Variants in KMO observed in about 807,000 individuals in gnomAD.
KMO encodes kynurenine 3-monooxygenase, also known as kynurenine 3-hydroxylase.
In KMO, 24 loss-of-function variants were observed where a neutral mutation model predicts 57.8. That is an observed-to-expected ratio of 0.42 (90% CI 0.30 to 0.58). The LOEUF (loss-of-function observed/expected upper bound fraction) is 0.58. Ranked by LOEUF, KMO falls within the 20% of genes least tolerant of loss-of-function variation. KMO has a pLI of 0.22. For synonymous variants in KMO, 210 were observed against 193.6 expected (o/e 1.08, Z -0.70); for missense variants, 483 against 588.2 (o/e 0.82, Z 1.85).
chr1:241,538,033 G>C (rs1289325517), intron 1 of KMO, among the ~76,000 whole-genome samples: 2 of 152,186 alleles, frequency 1.3e-5, no homozygotes, highest in Non-Finnish European at 2.9e-5. Flanking sequence ...ATAGGGCTTA[G>C]AGATATTTAT....
chr1:241,591,195 T>A (rs987763535), intron 14 of KMO, among the ~76,000 whole-genome samples: 1 of 152,104 alleles, frequency 6.6e-6, no homozygotes, highest in Non-Finnish European at 1.5e-5. Flanking sequence ...GCAGTTAGAA[T>A]GCAGGACAGT....
At chr1:241,560,428 A>G (rs1661793022) in intron 5 of KMO, among the ~76,000 whole-genome samples, 1 of 152,178 alleles carries the variant, frequency 6.6e-6, no homozygotes, top group Non-Finnish European at 1.5e-5. Flanking sequence ...AATCAGTTGG[A>G]TGTTTTCTTT....
At chr1:241,590,345 A>C in intron 14 of KMO, 82 bp downstream of exon 14, 1 of 1,137,038 alleles carries the variant, frequency 8.8e-7, no homozygotes, top group Non-Finnish European at 1.3e-6. Context: ...GTTTCCAACA[A>C]ATACAGAAAT....
intron 1 of KMO, among the ~76,000 whole-genome samples, chr1:241,538,230 T>G (rs568825556): frequency 6.6e-6 from 1 of 152,158 alleles, no homozygotes; most frequent in African/African-American, 2.4e-5. Context: ...AAGTCACTTC[T>G]TGGGCATTTG....
intron 5 of KMO, 73 bp downstream of exon 5, chr1:241,555,733 A>G: frequency 1.1e-6 from 1 of 931,548 alleles, no homozygotes; most frequent in Admixed American, 1.8e-5. Context: ...CATATGATTT[A>G]TTGGATTTGT....
intron 10 of KMO, among the ~76,000 whole-genome samples, chr1:241,570,364 C>T (rs1662229665): frequency 6.6e-6 from 1 of 152,068 alleles, no homozygotes; most frequent in South Asian, 2.1e-4. Context: ...AGACCACTGT[C>T]TTGGACTGTT....
At chr1:241,587,271 C>T (rs1235503165) in intron 11 of KMO, among the ~76,000 whole-genome samples, 1 of 152,194 alleles carries the variant, frequency 6.6e-6, no homozygotes. Context: ...CTATGAGAAA[C>T]TAATGCCACT....
intron 4 of KMO, among the ~76,000 whole-genome samples, chr1:241,553,213 T>A (rs976383561): frequency 6.6e-6 from 1 of 152,188 alleles, no homozygotes; most frequent in Non-Finnish European, 1.5e-5. Context: ...CTTGTAGAAT[T>A]AAATATTGGA....
intron 7 of KMO, among the ~76,000 whole-genome samples, chr1:241,563,822 G>C (rs1300723949): frequency 1.3e-5 from 2 of 152,154 alleles, no homozygotes; most frequent in Non-Finnish European, 2.9e-5. Context: ...AAGCTTATGA[G>C]ACTTTCTCTA....
chr1:241,538,545 T>G (rs576016621), intron 1 of KMO, among the ~76,000 whole-genome samples: 1 of 152,356 alleles, frequency 6.6e-6, no homozygotes, highest in Non-Finnish European at 1.5e-5. Flanking sequence ...TTTAGCTATA[T>G]GGGCTTTGAG....
chr1:241,590,110 A>C lies in KMO; in HGVS notation c.1197A>C (p.Thr399=). 3 of 1,611,050 alleles carry C rather than the reference A, an allele frequency of 1.9e-6. No homozygotes were observed. Among genetic ancestry groups the C allele is most frequent in the Non-Finnish European group, 2.5e-6 (3 of 1,177,310 alleles). Residue 399 remains threonine (T), a synonymous_variant, in exon 13 of 15, where the codon ACA becomes ACC. Coordinates refer to ENST00000366559, the MANE Select transcript of KMO (RefSeq NM_003679.5). ...CATCGACCTTTATCCCTCTCTATAC[A>C]ATGGTAAGGTCTGGACTGAAGACTT... ...IMPSTFIPLY[T]MVTFSRIRYH... is the part of the protein sequence containing the mutation.
intron 4 of KMO, among the ~76,000 whole-genome samples, chr1:241,554,246 CCTTCCTTCCTT>C (rs1661520200): frequency 7.2e-6 from 1 of 139,856 alleles, no homozygotes; most frequent in Non-Finnish European, 1.5e-5. Context: ...TTCCTTCCTT[CCTTCCTTCCTT>C]CCTTCCTTCC....
intron 10 of KMO, among the ~76,000 whole-genome samples, chr1:241,573,014 CA>C (rs1231861576): frequency 6.6e-6 from 1 of 152,096 alleles, no homozygotes; most frequent in Non-Finnish European, 1.5e-5. Flanking sequence ...ATATATACCA[CA>C]TTTTCTTTAT....
At chr1:241,574,642 T>C (rs1662438247) in intron 10 of KMO, among the ~76,000 whole-genome samples, 1 of 152,074 alleles carries the variant, frequency 6.6e-6, no homozygotes, top group African/African-American at 2.4e-5. Flanking sequence ...GTATTATCTT[T>C]TTGATGTGCT....
chr1:241,586,550 T>A (rs1437814814), intron 10 of KMO, 129 bp from the exon 11 acceptor site: 1 of 715,518 alleles, frequency 1.4e-6, no homozygotes, highest in Non-Finnish European at 2.5e-6. Context: ...ACTCAACTGC[T>A]ATGTACTAGT....
intron 10 of KMO, among the ~76,000 whole-genome samples, chr1:241,580,331 T>C (rs1287260651): frequency 6.6e-6 from 1 of 152,176 alleles, no homozygotes; most frequent in Non-Finnish European, 1.5e-5. Context: ...CATGCTAACA[T>C]TGCCTCCAAT....
At chr1:241,532,958 A>G (rs973696055) in intron 1 of KMO, among the ~76,000 whole-genome samples, 1 of 152,222 alleles carries the variant, frequency 6.6e-6, no homozygotes, top group African/African-American at 2.4e-5. Flanking sequence ...TCAAAGTATC[A>G]TGTTGAATGT....
In KMO at chr1:241,590,008, G is replaced by A. The variant is rs1663186222; in HGVS notation, c.1099-4G>A. On this transcript the variant is annotated splice_polypyrimidine_tract_variant and splice_region_variant and intron_variant, in intron 12 of 14. Transcript: ENST00000366559. ...AGCGTTCTTTAAGACTGTCATTATTGCAGATGCGAGCACATGTCAACTCAA... is the reference window on the plus strand; with the variant it reads ...AGCGTTCTTTAAGACTGTCATTATTACAGATGCGAGCACATGTCAACTCAA... 2 of 1,609,806 alleles carry A rather than the reference G, an allele frequency of 1.2e-6. No individual in the cohort carries two copies. Among genetic ancestry groups the A allele is most frequent in the South Asian group, 1.1e-5 (1 of 91,002 alleles).
At chr1:241,590,723 T>C (rs1260655764) in intron 14 of KMO, among the ~76,000 whole-genome samples, 1 of 151,784 alleles carries the variant, frequency 6.6e-6, no homozygotes, top group Non-Finnish European at 1.5e-5. Flanking sequence ...TTGGGGATTT[T>C]ACAACGTCAT....
Sources: allele counts gnomAD v4.1 joint callset (sites outside exome capture counted in the v4.1 genomes callset), GRCh38; gene constraint gnomAD v4.1.1; transcripts MANE v1.5; gene names NCBI Gene and HGNC (gene_info 2026-07-23, HGNC 2026-07-21).